Variants in FBP1 observed in about 807,000 individuals in gnomAD.
FBP1 encodes fructose-1,6-bisphosphatase 1.
In FBP1, 22 loss-of-function variants were observed where a neutral mutation model predicts 29.9. The observed-to-expected ratio is 0.74, with a 90% CI of 0.53 to 1.05. The LOEUF (loss-of-function observed/expected upper bound fraction) is 1.05. Ranked by LOEUF, FBP1 falls within the 50% of genes least tolerant of loss-of-function variation. The probability of loss-of-function intolerance (pLI) is 0.00; values close to 1 mark genes in which losing one functional copy is unlikely to be tolerated. For missense variants in FBP1, 345 were observed against 448.2 expected (o/e 0.77, Z 2.08); for synonymous variants, 175 against 178.6 (o/e 0.98, Z 0.16).
At chr9:94,622,580 C>A (rs1827965191) in intron 1 of FBP1, among the ~76,000 whole-genome samples, 1 of 152,254 alleles carries the variant, frequency 6.6e-6, no homozygotes, top group Non-Finnish European at 1.5e-5. Flanking sequence ...CTAGCTCCGG[C>A]TGTCTTCTCG....
In FBP1 at chr9:94,603,524, C is replaced by A. The variant is rs137939984; in HGVS notation, c.874G>T (p.Ala292Ser). The change falls in exon 7 of 7, where the codon GCT becomes TCT. Residue 292 changes from alanine to serine, a missense_variant. Ala to Ser is a moderately conservative substitution (Grantham distance 99). Transcript: ENST00000375326. The part of the protein sequence containing the change: ...CNPMAYVMEK[A>S]GGMATTGKEA... ...TTCCCAGTGGTGGCCATTCCCCCAG[C>A]CTTCTCCATGACGTAGGCCATGGGG... is the stretch of plus-strand genomic sequence containing the variant. The A allele has an allele frequency of 6.2e-6, 10 of 1,614,188 alleles. No homozygotes were observed. The highest frequency in any genetic ancestry group is 8.5e-6 in the Non-Finnish European group (10 of 1,180,030).
intron 3 of FBP1, among the ~76,000 whole-genome samples, chr9:94,617,252 T>C (rs1827877301): frequency 1.3e-5 from 2 of 152,186 alleles, no homozygotes. Context: ...TTAAAATGGA[T>C]CACGAAACTT....
chr9:94,625,632 A>G (rs1828013718), intron 1 of FBP1, among the ~76,000 whole-genome samples: 1 of 152,182 alleles, frequency 6.6e-6, no homozygotes, highest in Non-Finnish European at 1.5e-5. Context: ...CGTCTCTACT[A>G]AAAATACAAA....
intron 1 of FBP1, among the ~76,000 whole-genome samples, chr9:94,638,462 C>T (rs939702860): frequency 6.6e-6 from 1 of 152,204 alleles, no homozygotes; most frequent in African/African-American, 2.4e-5. Context: ...CTGCACACAC[C>T]ATCATTGCAA....
Position 94,617,732 on chromosome 9 carries a change from G to A in FBP1, c.426+36C>T, listed in dbSNP as rs1043969603. ...GACTGGATGCTCAATCTTAACTTCT[G>A]TCCCCAAACCAAGTGCTTAAGATAT... On this transcript the variant is annotated intron_variant, in intron 3 of 6. Coordinates refer to ENST00000375326, the MANE Select transcript of FBP1 (RefSeq NM_000507.4). The A allele has an allele frequency of 2.9e-6, 4 of 1,380,372 alleles. No homozygotes were observed. In the African/African-American group the frequency reaches 5.7e-5, roughly 20 times the overall value. The allele number at this position is 1,380,372 out of a possible 1,614,324, so 85.5% of individuals were successfully genotyped here. A position where few individuals can be genotyped will look rare whatever the true frequency, so the allele number is the denominator to read the frequency against.
At chr9:94,620,940 G>A (rs28745271) in intron 1 of FBP1, among the ~76,000 whole-genome samples, 11,951 of 152,244 alleles carry the variant, frequency 0.078, 499 homozygotes, top group South Asian at 0.15. Flanking sequence ...AGGGCCGGGC[G>A]TGGTGGCTCA....
chr9:94,627,641 T>C (rs1828045334), intron 1 of FBP1, among the ~76,000 whole-genome samples: 1 of 152,074 alleles, frequency 6.6e-6, no homozygotes, highest in Non-Finnish European at 1.5e-5. Context: ...TTGGAAGGCG[T>C]TTCCAGGAGG....
chr9:94,613,788 A>G (rs532820469), intron 3 of FBP1, among the ~76,000 whole-genome samples: 208 of 150,370 alleles, frequency 1.4e-3, no homozygotes, highest in African/African-American at 4.7e-3. Context: ...AAAAGAAGAA[A>G]AAAAAAAGGC....
intron 4 of FBP1, among the ~76,000 whole-genome samples, chr9:94,608,639 G>T (rs1827736166): frequency 6.6e-6 from 1 of 151,544 alleles, no homozygotes; most frequent in Non-Finnish European, 1.5e-5. Flanking sequence ...ACCACATTTG[G>T]CGACTTTAAC....
intron 1 of FBP1, among the ~76,000 whole-genome samples, chr9:94,623,228 AC>A (rs1827973814): frequency 6.6e-6 from 1 of 151,988 alleles, no homozygotes; most frequent in African/African-American, 2.4e-5. Flanking sequence ...CAAGTGATCC[AC>A]CCACCTCAGC....
intron 3 of FBP1, among the ~76,000 whole-genome samples, chr9:94,613,185 G>C (rs771676145): frequency 2.0e-5 from 3 of 152,092 alleles, no homozygotes; most frequent in Non-Finnish European, 4.4e-5. Context: ...AGCTGTAAAG[G>C]ACATTGCAAG....
At chr9:94,627,977 C>G (rs1828049156) in intron 1 of FBP1, among the ~76,000 whole-genome samples, 1 of 152,240 alleles carries the variant, frequency 6.6e-6, no homozygotes, top group Non-Finnish European at 1.5e-5. Flanking sequence ...CTCAGCCCCA[C>G]TGCCAGAAAA....
intron 4 of FBP1, among the ~76,000 whole-genome samples, chr9:94,609,584 C>T (rs1018488782): frequency 1.3e-5 from 2 of 152,146 alleles, no homozygotes; most frequent in Non-Finnish European, 1.5e-5. Flanking sequence ...TCCACCCTTG[C>T]CCCCCGGCCT....
intron 3 of FBP1, among the ~76,000 whole-genome samples, chr9:94,610,555 T>C (rs1827769200): frequency 6.6e-6 from 1 of 152,208 alleles, no homozygotes; most frequent in South Asian, 2.1e-4. Flanking sequence ...TCAGGGAAAT[T>C]CTCAGAAACG....
At chr9:94,615,801 G>A (rs1205050842) in intron 3 of FBP1, among the ~76,000 whole-genome samples, 1 of 150,632 alleles carries the variant, frequency 6.6e-6, no homozygotes, top group Non-Finnish European at 1.5e-5. Flanking sequence ...GTCACTTTTA[G>A]AGATAAAGTG....
intron 1 of FBP1, among the ~76,000 whole-genome samples, chr9:94,630,661 G>A (rs1459345116): frequency 1.3e-5 from 2 of 152,208 alleles, no homozygotes; most frequent in African/African-American, 4.8e-5. Flanking sequence ...TGGTGCATAG[G>A]CAAGTGTGCA....
chr9:94,639,010 G>C (rs1828240969), intron 1 of FBP1, 131 bp downstream of exon 1: 1 of 914,934 alleles, frequency 1.1e-6, no homozygotes, highest in South Asian at 1.4e-5. Flanking sequence ...GAGAGCGAGA[G>C]AGGCGCTCAG....
intron 2 of FBP1, among the ~76,000 whole-genome samples, chr9:94,618,462 A>T (rs1394825124): frequency 9.3e-5 from 5 of 53,588 alleles, no homozygotes; most frequent in South Asian, 7.2e-4. Context: ...CTGTAAAAAA[A>T]AAAAAAAAAA....
intron 1 of FBP1, among the ~76,000 whole-genome samples, chr9:94,623,967 GTTAAT>G (rs1198775514): frequency 6.6e-6 from 1 of 152,208 alleles, no homozygotes; most frequent in Non-Finnish European, 1.5e-5. Flanking sequence ...AGGCTAGATG[GTTAAT>G]TTAGATGGTC....
Sources: allele counts gnomAD v4.1 joint callset (sites outside exome capture counted in the v4.1 genomes callset), GRCh38; gene constraint gnomAD v4.1.1; transcripts MANE v1.5; gene names NCBI Gene and HGNC (gene_info 2026-07-23, HGNC 2026-07-21).